Variants in CACNA1C observed in about 807,000 individuals in gnomAD.
CACNA1C encodes voltage-dependent L-type calcium channel subunit alpha-1C.
Under a neutral mutation model 229.0 loss-of-function variants are expected in CACNA1C, and 30 were observed. The observed-to-expected ratio is 0.13, with a 90% CI of 0.10 to 0.18. The LOEUF is 0.18. CACNA1C is among the 10% of genes least tolerant of loss of function. The pLI is 1.00. For missense variants in CACNA1C, 1,658 were observed against 2,845.0 expected, an observed-to-expected ratio of 0.58 and a Z score of 9.49; for synonymous variants, 1,114 against 1,132.5, an observed-to-expected ratio of 0.98 and a Z score of 0.33.
At chr12:2,107,649 A>T (rs1220836862) in intron 1 of CACNA1C, among the ~76,000 whole-genome samples, 1 of 152,266 alleles carries the variant, frequency 6.6e-6, no homozygotes, top group Non-Finnish European at 1.5e-5. Context: ...TGAAAATATT[A>T]GACACTGAAA....
In CACNA1C at chr12:2,346,730, T is replaced by C. The variant is rs1430990606; in HGVS notation, c.478-102246T>C. Among the ~76,000 whole-genome samples, 1 of 152,088 alleles carries C rather than the reference T, an allele frequency of 6.6e-6. No individual in the cohort carries two copies. Among genetic ancestry groups the C allele is most frequent in the African/African-American group, 2.4e-5 (1 of 41,396 alleles). ...AGGCCTTAAAAGGAACATTTAGAAA[T>C]CAGGAGTCAAACGTGACTTGGACAT... On this transcript the variant is annotated intron_variant, in intron 3 of 46. Transcript: ENST00000399655. The surrounding 1 kb of genome is among the most constrained non-coding windows in gnomAD (Gnocchi z 4.4).
chr12:2,463,205 G>A (rs1486542840), intron 5 of CACNA1C, among the ~76,000 whole-genome samples: 9 of 152,082 alleles, frequency 5.9e-5, no homozygotes, highest in Admixed American at 2.6e-4. Flanking sequence ...CACCGCACCC[G>A]GCCTAAAAGT....
chr12:2,460,927 G>A (rs1315222961), intron 5 of CACNA1C, among the ~76,000 whole-genome samples: 1 of 152,180 alleles, frequency 6.6e-6, no homozygotes, highest in African/African-American at 2.4e-5. Context: ...GCAGACCATG[G>A]TGGATCAGTG....
Position 2,627,773 on chromosome 12 carries a change from G to A in CACNA1C, c.3829-6524G>A, listed in dbSNP as rs192955398. On this transcript the variant is annotated intron_variant, in intron 29 of 46. Coordinates refer to ENST00000399655, the MANE Select transcript of CACNA1C (RefSeq NM_000719.7). Reference sequence around the variant, plus strand: ...TCTCCAAGGGCCCTTCAGAGGACCCGTTGTCCTTTTCCACTCTCTGTCTCA... The same window carrying A: ...TCTCCAAGGGCCCTTCAGAGGACCCATTGTCCTTTTCCACTCTCTGTCTCA... 7.9e-4 allele frequency among the ~76,000 whole-genome samples: 120 copies of A among 152,210 alleles called. 1 individual carries two copies. The highest frequency in any genetic ancestry group is 2.6e-3 in the African/African-American group (107 of 41,522).
chr12:2,477,209 G>A (rs1023638227), intron 5 of CACNA1C, among the ~76,000 whole-genome samples: 1 of 152,232 alleles, frequency 6.6e-6, no homozygotes, highest in African/African-American at 2.4e-5. Context: ...TGGGCTAGTA[G>A]TCACAACCTG....
chr12:2,182,593 G>T (rs1450862284), intron 3 of CACNA1C, among the ~76,000 whole-genome samples: 2 of 152,110 alleles, frequency 1.3e-5, no homozygotes, highest in Non-Finnish European at 2.9e-5. Flanking sequence ...TAGGGAGAAG[G>T]TGGTGAGCTT....
At chr12:2,370,712 AAT>A (rs1209102758) in intron 3 of CACNA1C, among the ~76,000 whole-genome samples, 1 of 152,234 alleles carries the variant, frequency 6.6e-6, no homozygotes, top group Non-Finnish European at 1.5e-5. Context: ...TAGTATTAGA[AAT>A]GCTAAGTTAT....
chr12:2,004,239 A>C (rs1593489866), intron 1 of CACNA1C: 2 of 1,606,576 alleles, frequency 1.2e-6, no homozygotes, highest in Non-Finnish European at 1.7e-6. Flanking sequence ...CCCCGCCTCC[A>C]CCCCAACCCT....
intron 3 of CACNA1C, among the ~76,000 whole-genome samples, chr12:2,199,121 C>G (rs188904763): frequency 1.3e-5 from 2 of 152,214 alleles, no homozygotes; most frequent in East Asian, 3.9e-4. Context: ...GCTGCCTTCC[C>G]CACACCATCC....
intron 3 of CACNA1C, among the ~76,000 whole-genome samples, chr12:2,442,774 A>G (rs988059798): frequency 6.6e-6 from 1 of 152,204 alleles, no homozygotes; most frequent in Non-Finnish European, 1.5e-5. Flanking sequence ...GGCACATCAC[A>G]TGATGAGAAC....
At chr12:2,447,251 G>A (rs964902101) in intron 3 of CACNA1C, among the ~76,000 whole-genome samples, 8 of 152,062 alleles carry the variant, frequency 5.3e-5, no homozygotes, top group African/African-American at 1.4e-4. Context: ...AGCTTCCCAC[G>A]TCCTGTGATT....
intron 4 of CACNA1C, among the ~76,000 whole-genome samples, chr12:2,451,508 G>A (rs770107363): frequency 6.6e-6 from 1 of 152,182 alleles, no homozygotes; most frequent in Non-Finnish European, 1.5e-5. Context: ...CCCCATATGT[G>A]GTCTTAATGA....
intron 1 of CACNA1C, among the ~76,000 whole-genome samples, chr12:2,002,284 G>A (rs938063671): frequency 1.3e-5 from 2 of 151,980 alleles, no homozygotes; most frequent in Non-Finnish European, 2.9e-5. Flanking sequence ...ACATTCAAAC[G>A]GCTCCCATCC....
At chr12:2,484,527 CT>C (rs952454372) in intron 5 of CACNA1C, among the ~76,000 whole-genome samples, 12 of 152,204 alleles carry the variant, frequency 7.9e-5, no homozygotes, top group African/African-American at 2.9e-4. Flanking sequence ...CTGAGCAGCC[CT>C]CCAGCTGTGG....
chr12:2,646,686 A>G lies in CACNA1C; in HGVS notation c.3913-1789A>G, dbSNP rs1480774915. Among the ~76,000 whole-genome samples, 2 of 152,100 alleles carry G rather than the reference A, an allele frequency of 1.3e-5. No homozygotes were observed. Among genetic ancestry groups the G allele is most frequent in the African/African-American group, 2.4e-5 (1 of 41,412 alleles). Reference sequence around the variant, plus strand: ...CTAGACCTGACCATCCTGGGCAACTATCACACACCAGAGCAAAAGGGGTTT... The same window carrying G: ...CTAGACCTGACCATCCTGGGCAACTGTCACACACCAGAGCAAAAGGGGTTT... On this transcript the variant is annotated intron_variant, in intron 30 of 46. Coordinates refer to ENST00000399655, the MANE Select transcript of CACNA1C (RefSeq NM_000719.7). The surrounding 1 kb of genome is among the most constrained non-coding windows in gnomAD (Gnocchi z 4.6).
At chr12:2,452,680 T>G (rs2099389804) in intron 4 of CACNA1C, among the ~76,000 whole-genome samples, 1 of 152,202 alleles carries the variant, frequency 6.6e-6, no homozygotes, top group Non-Finnish European at 1.5e-5. Flanking sequence ...TTTCTACCCT[T>G]TCAGAATTAA....
In CACNA1C at chr12:2,585,538, G is replaced by A; in HGVS notation, c.2460+42G>A. On this transcript the variant is annotated intron_variant, in intron 17 of 46. Transcript: ENST00000399655. This position sits in a 1 kb window ranked among gnomAD's most constrained non-coding sequence, Gnocchi z 4.1. ...TTCCTGGAGCTGTGAGGCCGGTGCT[G>A]GGGAGGGAGGGCCACAGCCTTCCCA... The A allele has an allele frequency of 6.6e-7, 1 of 1,511,380 alleles. No homozygotes were observed. Among genetic ancestry groups the A allele is most frequent in the Non-Finnish European group, 8.9e-7 (1 of 1,126,436 alleles). 93.6% of individuals were successfully genotyped at this position (1,511,380 alleles called of 1,614,324 possible).
At chr12:2,321,112 G>C (rs7304197) in intron 3 of CACNA1C, among the ~76,000 whole-genome samples, 19,712 of 152,204 alleles carry the variant, frequency 0.13, 1,472 homozygotes, top group African/African-American at 0.2. Context: ...AACAGAGGCT[G>C]TCTGCTTGGG....
chr12:2,153,532 C>G (rs2154219550), intron 3 of CACNA1C, among the ~76,000 whole-genome samples: 1 of 152,244 alleles, frequency 6.6e-6, no homozygotes, highest in South Asian at 2.1e-4. Context: ...TGAATTTGAC[C>G]ACTCTGGGAA....
Sources: allele counts gnomAD v4.1 joint callset (sites outside exome capture counted in the v4.1 genomes callset), GRCh38; gene constraint gnomAD v4.1.1; non-coding constraint Gnocchi (gnomAD v3.1); transcripts MANE v1.5; gene names NCBI Gene and HGNC (gene_info 2026-07-23, HGNC 2026-07-21).